TADA2A: variants seen among roughly 807,000 people sequenced by gnomAD.
TADA2A encodes transcriptional adapter 2-alpha.
A neutral mutation model predicts 67.4 loss-of-function variants in TADA2A; 38 were observed. The observed-to-expected ratio is 0.56, with a 90% CI of 0.44 to 0.74. TADA2A has a LOEUF of 0.74. Ranked by LOEUF, TADA2A falls within the 30% of genes least tolerant of loss-of-function variation. TADA2A has a pLI of 0.00. For missense variants in TADA2A, 454 were observed against 547.0 expected (o/e 0.83, Z 1.70); for synonymous variants, 192 against 181.6 (o/e 1.06, Z -0.46).
chr17:37,448,528 T>A (rs1021154359), intron 8 of TADA2A, among the ~76,000 whole-genome samples: 1 of 152,218 alleles, frequency 6.6e-6, no homozygotes, highest in Non-Finnish European at 1.5e-5. Context: ...TCTTGTCTCA[T>A]GTATGTTGTG....
At chr17:37,435,943 T>C (rs995532334) in intron 4 of TADA2A, among the ~76,000 whole-genome samples, 4 of 151,908 alleles carry the variant, frequency 2.6e-5, no homozygotes, top group Non-Finnish European at 1.5e-5. Flanking sequence ...TCAAAACTCC[T>C]GAGCCCAAAA....
intron 1 of TADA2A, among the ~76,000 whole-genome samples, chr17:37,408,182 C>T (rs1054717236): frequency 3.3e-5 from 5 of 152,294 alleles, no homozygotes; most frequent in East Asian, 3.9e-4. Context: ...CCACCGCACC[C>T]GGCCTCCTAC....
At chr17:37,472,366 A>G (rs1307043482) in intron 14 of TADA2A, among the ~76,000 whole-genome samples, 1 of 150,538 alleles carries the variant, frequency 6.6e-6, no homozygotes. Flanking sequence ...GCGCCTGGTC[A>G]CTGAAGGGAC....
chr17:37,472,763 G>A (rs28669894), intron 14 of TADA2A, among the ~76,000 whole-genome samples: 38,088 of 151,966 alleles, frequency 0.25, 4,826 homozygotes, highest in Middle Eastern at 0.35. Context: ...TCCAGAGGCT[G>A]AGGCAGGAGA....
At chr17:37,461,770 G>T in intron 9 of TADA2A, 1 of 230,970 alleles carries the variant, frequency 4.3e-6, no homozygotes. Flanking sequence ...GATTCCTTTC[G>T]GTTTCATCTT....
chr17:37,477,944 A>ACC lies in TADA2A; in HGVS notation c.*963_*964insCC, dbSNP rs1219327815. 6.6e-6 allele frequency: 1 copy of ACC among 151,710 alleles called. No homozygotes were observed. Among genetic ancestry groups the ACC allele is most frequent in the Non-Finnish European group, 1.5e-5 (1 of 67,930 alleles). The allele number at this position is 151,710 out of a possible 1,614,324, so 9.4% of individuals were successfully genotyped here. A position where few individuals can be genotyped will look rare whatever the true frequency, so the allele number is the denominator to read the frequency against. Reference sequence around the variant, plus strand: ...AGACCAGCCTGACCAACATGGTGAAACAGTCTCTACTAAAAATACAAAAAT... The same window carrying ACC: ...AGACCAGCCTGACCAACATGGTGAAACCCAGTCTCTACTAAAAATACAAAAAT... On this transcript the variant is annotated 3_prime_UTR_variant, in exon 16 of 16. Coordinates refer to ENST00000615182, the MANE Select transcript of TADA2A (RefSeq NM_001166105.3).
chr17:37,424,587 G>A (rs1049583686), intron 3 of TADA2A, among the ~76,000 whole-genome samples: 7 of 151,150 alleles, frequency 4.6e-5, no homozygotes, highest in Admixed American at 3.3e-4. Flanking sequence ...CGGGAGTTTC[G>A]CTATTGTTTT....
At chr17:37,461,589 C>A (rs1403728423) in intron 9 of TADA2A, among the ~76,000 whole-genome samples, 2 of 152,168 alleles carry the variant, frequency 1.3e-5, no homozygotes, top group East Asian at 1.9e-4. Flanking sequence ...TTTTATAATG[C>A]CCTTTCATTA....
At chr17:37,439,922 A>ATTTTTTTTT (rs778174627) in intron 5 of TADA2A, among the ~76,000 whole-genome samples, 4 of 97,864 alleles carry the variant, frequency 4.1e-5, no homozygotes, top group African/African-American at 1.9e-4. Context: ...TTATTTATTT[A>ATTTTTTTTT]TTTATTTATT....
At chr17:37,472,332 C>T (rs2035958112) in intron 14 of TADA2A, among the ~76,000 whole-genome samples, 1 of 151,870 alleles carries the variant, frequency 6.6e-6, no homozygotes, top group South Asian at 2.1e-4. Flanking sequence ...TCCCAAAGTG[C>T]TGGGATTACA....
At position 37,411,350 on chromosome 17, in the gene TADA2A, C is replaced by A. The variant is rs17138766; in HGVS notation, c.-16C>A. 0.011 allele frequency: 17,342 copies of A among 1,613,500 alleles called. 960 individuals carry two copies. In the African/African-American group the frequency reaches 0.15, roughly 14 times the overall value. ...TGCTGAGGAAGACCAAAGCAGCACT[C>A]GTTGCCAATTAGGGAATGGACCGTT... On this transcript the variant is annotated 5_prime_UTR_variant, in exon 2 of 16. Coordinates refer to ENST00000615182, the MANE Select transcript of TADA2A (RefSeq NM_001166105.3).
chr17:37,469,202 C>T (rs8069062), intron 12 of TADA2A, among the ~76,000 whole-genome samples: 30,247 of 151,568 alleles, frequency 0.2, 3,424 homozygotes, highest in East Asian at 0.54. Flanking sequence ...CCACCACGCC[C>T]GGCAATAGTT....
chr17:37,452,784 A>C (rs2053270028), intron 8 of TADA2A, among the ~76,000 whole-genome samples: 1 of 152,240 alleles, frequency 6.6e-6, no homozygotes, highest in African/African-American at 2.4e-5. Flanking sequence ...ACCTAAAAAA[A>C]AAAAAGAGTT....
intron 14 of TADA2A, among the ~76,000 whole-genome samples, chr17:37,471,927 C>T (rs936890286): frequency 6.6e-6 from 1 of 152,110 alleles, no homozygotes; most frequent in South Asian, 2.1e-4. Context: ...TGAGTATGTC[C>T]TATTTTGAAA....
chr17:37,426,867 C>T (rs1568141473), intron 3 of TADA2A, 83 bp from the exon 4 acceptor site: 2 of 1,375,340 alleles, frequency 1.5e-6, no homozygotes, highest in African/African-American at 1.5e-5. Flanking sequence ...TTTAAAAACC[C>T]AAACTTGTCA....
rs187529058 is a variant in TADA2A at position 37,409,166 on chromosome 17, A to G, written c.-97-2103A>G. ...AGTGGCACAATCTCGGCTCACTGCAACCTCCACCTGCCTGGTTCAAGCAAC... is the reference window on the plus strand; with the variant it reads ...AGTGGCACAATCTCGGCTCACTGCAGCCTCCACCTGCCTGGTTCAAGCAAC... On this transcript the variant is annotated intron_variant, in intron 1 of 15. Transcript: ENST00000615182. Among the ~76,000 whole-genome samples, 325 of 151,982 alleles carry G rather than the reference A, an allele frequency of 2.1e-3. 2 individuals are homozygous for G. Among genetic ancestry groups the G allele is most frequent in the Middle Eastern group, 3.4e-3 (1 of 294 alleles).
intron 8 of TADA2A, among the ~76,000 whole-genome samples, chr17:37,450,169 A>T (rs2053194163): frequency 6.6e-6 from 1 of 152,224 alleles, no homozygotes; most frequent in South Asian, 2.1e-4. Context: ...CATGTGACTC[A>T]CGAGCGACAG....
rs1319632429 is a variant in TADA2A, at chr17:37,476,857, A to C, written c.1207A>C (p.Asn403His). 1.2e-6 allele frequency: 2 copies of C among 1,614,038 alleles called. No individual in the cohort carries two copies. The highest frequency in any genetic ancestry group is 1.7e-6 in the Non-Finnish European group (2 of 1,180,014). ...AYLEYKSALL[N>H]ECNKQGGLRL... ...TTTAGAATACAAATCTGCTCTATTGAACGAATGTAACAAGCAAGGAGGCTT... is the reference window on the plus strand; with the variant it reads ...TTTAGAATACAAATCTGCTCTATTGCACGAATGTAACAAGCAAGGAGGCTT... Residue 403 changes from asparagine (N) to histidine (H), a missense_variant, in exon 16 of 16, where the codon AAC becomes CAC. By Grantham distance (68) the Asn-to-His change is moderately conservative. Transcript: ENST00000615182.
In TADA2A at chr17:37,448,049, A is replaced by G. The variant is rs557681707; in HGVS notation, c.604+3281A>G. On this transcript the variant is annotated intron_variant, in intron 8 of 15. Transcript: ENST00000615182. ...GTAAATGTCTCTAATGAAACATGGT[A>G]CATAATTCAGATTTGTGTTGTTACC... Among the ~76,000 whole-genome samples the G allele has an allele frequency of 6.8e-4, 103 of 152,352 alleles. No homozygotes were observed. In the South Asian group the frequency reaches 0.021, roughly 31 times the overall value.
Sources: gnomAD v4.1 joint callset for allele counts (sites outside exome capture counted in the v4.1 genomes callset) on GRCh38, gnomAD v4.1.1 for gene constraint, MANE v1.5 for transcripts, NCBI Gene and HGNC (gene_info 2026-07-23, HGNC 2026-07-21) for gene names.